The following PCP4 variants were observed in gnomAD, a reference collection of about 807,000 sequenced individuals.
The protein encoded by PCP4 is calmodulin regulator protein PCP4.
PCP4 carries 8 observed loss-of-function variants against 10.0 expected under a neutral mutation model. That is an observed-to-expected ratio of 0.80 (90% CI 0.47 to 1.45). The LOEUF (loss-of-function observed/expected upper bound fraction) is 1.45, where lower values mean the gene tolerates loss of function less well. Ranked by LOEUF, PCP4 falls within the 40% of genes most tolerant of loss-of-function variation. The pLI, the probability that PCP4 is intolerant of heterozygous loss-of-function variation, is 0.00. For missense variants in PCP4, 54 were observed against 74.4 expected (o/e 0.73, Z 1.01); for synonymous variants, 21 against 23.0 (o/e 0.91, Z 0.24).
intron 2 of PCP4, among the ~76,000 whole-genome samples, chr21:39,900,628 C>T (rs929543050): frequency 6.6e-6 from 1 of 152,050 alleles, no homozygotes; most frequent in African/African-American, 2.4e-5. Flanking sequence ...CCTCTAGCAA[C>T]TTCTACTTGG....
At chr21:39,912,077 C>T (rs1448380947) in intron 2 of PCP4, among the ~76,000 whole-genome samples, 1 of 152,198 alleles carries the variant, frequency 6.6e-6, no homozygotes, top group African/African-American at 2.4e-5. Flanking sequence ...GAGATGTTTG[C>T]AATCTCTAAT....
At chr21:39,896,435 CAA>C (rs2087457252) in intron 1 of PCP4, among the ~76,000 whole-genome samples, 1 of 152,188 alleles carries the variant, frequency 6.6e-6, no homozygotes, top group South Asian at 2.1e-4. Context: ...CCCAGTGCAG[CAA>C]ACGTACGAGC....
intron 1 of PCP4, among the ~76,000 whole-genome samples, chr21:39,898,106 A>C (rs1568855851): frequency 6.6e-6 from 1 of 151,832 alleles, no homozygotes; most frequent in Non-Finnish European, 1.5e-5. Flanking sequence ...AAAATACAGC[A>C]GCCTAATGAC....
At chr21:39,904,055 TAC>T (rs2087495123) in intron 2 of PCP4, among the ~76,000 whole-genome samples, 1 of 152,110 alleles carries the variant, frequency 6.6e-6, no homozygotes, top group African/African-American at 2.4e-5. Context: ...CACACACATG[TAC>T]ACACACAGAG....
At position 39,906,677 on chromosome 21, in the gene PCP4, A is replaced by C. The variant is rs951808147; in HGVS notation, c.61+8150A>C. On this transcript the variant is annotated intron_variant, in intron 2 of 2. Transcript: ENST00000328619. This position sits in a 1 kb window ranked among gnomAD's most constrained non-coding sequence, Gnocchi z 6.3. Reference sequence around the variant, plus strand: ...GAGATTGAGCAGTGGACAGCTTTAGATCAGCTGAAATAGAATTTCATTCCA... The same window carrying C: ...GAGATTGAGCAGTGGACAGCTTTAGCTCAGCTGAAATAGAATTTCATTCCA... Among the ~76,000 whole-genome samples the C allele has an allele frequency of 3.3e-5, 5 of 151,720 alleles. No homozygotes were observed. Among genetic ancestry groups the C allele is most frequent in the African/African-American group, 1.2e-4 (5 of 41,264 alleles).
chr21:39,911,154 G>C (rs751939315), intron 2 of PCP4, among the ~76,000 whole-genome samples: 4 of 152,106 alleles, frequency 2.6e-5, no homozygotes, highest in African/African-American at 9.7e-5. Context: ...CTTGGTGGAG[G>C]CAGTGGAGGG....
intron 1 of PCP4, among the ~76,000 whole-genome samples, chr21:39,892,964 G>A (rs922646199): frequency 5.3e-5 from 8 of 152,236 alleles, no homozygotes; most frequent in African/African-American, 1.7e-4. Context: ...ATATTCTTAC[G>A]TACTTGTCAG....
intron 2 of PCP4, among the ~76,000 whole-genome samples, chr21:39,908,629 A>AG (rs1240767256): frequency 2.0e-5 from 3 of 152,058 alleles, no homozygotes; most frequent in African/African-American, 7.2e-5. Context: ...CTCTGCTCCC[A>AG]CTGAGCAGAG....
At chr21:39,884,154 C>T (rs2299751) in intron 1 of PCP4, among the ~76,000 whole-genome samples, 26,518 of 150,892 alleles carry the variant, frequency 0.18, 2,502 homozygotes, top group Non-Finnish European at 0.21. Flanking sequence ...GTTGTATGTT[C>T]GATGAGTTTT....
intron 1 of PCP4, among the ~76,000 whole-genome samples, chr21:39,897,072 C>T (rs553501888): frequency 1.3e-5 from 2 of 152,222 alleles, no homozygotes; most frequent in South Asian, 2.1e-4. Context: ...ATGCTCCCTA[C>T]CTCCCTCATT....
chr21:39,867,649 A>G (rs1407176357), intron 1 of PCP4, 139 bp downstream of exon 1: 1 of 890,524 alleles, frequency 1.1e-6, no homozygotes, highest in African/African-American at 1.6e-5. Context: ...TGGAGAACTG[A>G]CAGGATTAAT....
chr21:39,926,519 T>C (rs1443595182), intron 2 of PCP4, among the ~76,000 whole-genome samples: 1 of 152,198 alleles, frequency 6.6e-6, no homozygotes, highest in Non-Finnish European at 1.5e-5. Context: ...TTTTCCCCTT[T>C]GCACTCACTG....
chr21:39,927,700 G>A (rs538600150), intron 2 of PCP4, among the ~76,000 whole-genome samples: 2 of 152,280 alleles, frequency 1.3e-5, no homozygotes, highest in South Asian at 2.1e-4. Context: ...GGGTGGCAGC[G>A]AGGCTCTTGG....
chr21:39,908,090 A>G (rs893596685), intron 2 of PCP4, among the ~76,000 whole-genome samples: 4 of 152,190 alleles, frequency 2.6e-5, no homozygotes, highest in African/African-American at 7.2e-5. Flanking sequence ...TGATTTTTGT[A>G]TACAAATTCT....
At chr21:39,890,937 T>C (rs559859234) in intron 1 of PCP4, among the ~76,000 whole-genome samples, 2 of 152,284 alleles carry the variant, frequency 1.3e-5, no homozygotes, top group East Asian at 3.9e-4. Flanking sequence ...CTGTTAGTGA[T>C]GTTTGGGATG....
chr21:39,877,453 C>T (rs2087351524), intron 1 of PCP4, among the ~76,000 whole-genome samples: 2 of 151,566 alleles, frequency 1.3e-5, no homozygotes, highest in South Asian at 4.2e-4. Flanking sequence ...TTGGGAGACC[C>T]AGGTGGGAGG....
At chr21:39,899,279 C>CA (rs1432062199) in intron 2 of PCP4, among the ~76,000 whole-genome samples, 1 of 152,214 alleles carries the variant, frequency 6.6e-6, no homozygotes, top group African/African-American at 2.4e-5. Flanking sequence ...CCAAGGGCCA[C>CA]AGCATAGTTC....
At chr21:39,874,926 G>A (rs2087338024) in intron 1 of PCP4, among the ~76,000 whole-genome samples, 1 of 152,190 alleles carries the variant, frequency 6.6e-6, no homozygotes, top group Admixed American at 6.5e-5. Flanking sequence ...AGACAGTGTG[G>A]ATACGCTGGG....
intron 1 of PCP4, chr21:39,883,536 A>C (rs570350365): frequency 6.6e-6 from 1 of 152,364 alleles, no homozygotes; most frequent in African/African-American, 2.4e-5. Flanking sequence ...AGCTGAAATT[A>C]ACAACTTCGT....
Sources: allele counts gnomAD v4.1 joint callset (sites outside exome capture counted in the v4.1 genomes callset), GRCh38; gene constraint gnomAD v4.1.1; non-coding constraint Gnocchi (gnomAD v3.1); transcripts MANE v1.5; gene names NCBI Gene and HGNC (gene_info 2026-07-23, HGNC 2026-07-21).